The following TIAM2 variants were observed in gnomAD, a reference collection of about 807,000 sequenced individuals.
TIAM2 encodes the protein TIAM Rac1 associated GEF 2.
A neutral mutation model predicts 152.9 loss-of-function variants in TIAM2; 80 were observed. That is an observed-to-expected ratio of 0.52 (90% CI 0.44 to 0.63). The LOEUF is 0.63. Ranked by LOEUF, TIAM2 falls within the 30% of genes least tolerant of loss-of-function variation. TIAM2 has a pLI of 0.00. For synonymous variants in TIAM2, 804 were observed against 838.0 expected (o/e 0.96, Z 0.70); for missense variants, 1,965 against 2,120.1 (o/e 0.93, Z 1.44).
chr6:155,256,578 C>T lies in TIAM2; in HGVS notation c.4563C>T (p.Gly1521=), dbSNP rs1784045917. The change falls in exon 27 of 27, where the codon GGC becomes GGT. Residue 1521 remains glycine, a synonymous_variant. Transcript: ENST00000682666. ...GAACCTTGCTGGACTCTGACGAGGG[C>T]AGCTTGAGCAGCGGCACCCAGAGCA... The part of the protein sequence containing the change: ...GKGTLLDSDE[G]SLSSGTQSSG... 1.9e-6 allele frequency: 3 copies of T among 1,614,072 alleles called. No homozygotes were observed. Among genetic ancestry groups the T allele is most frequent in the African/African-American group, 1.3e-5 (1 of 74,928 alleles).
intron 1 of TIAM2, among the ~76,000 whole-genome samples, chr6:155,021,553 C>T (rs1479154637): frequency 5.3e-5 from 8 of 152,160 alleles, no homozygotes; most frequent in Middle Eastern, 3.4e-3. Flanking sequence ...CGAGCCACCG[C>T]GCCCAGCCAG....
At chr6:155,028,273 T>G (rs1583157688) in intron 1 of TIAM2, among the ~76,000 whole-genome samples, 3 of 131,344 alleles carry the variant, frequency 2.3e-5, no homozygotes, top group African/African-American at 8.3e-5. Flanking sequence ...CTACATATAA[T>G]ATATGTACTG....
chr6:155,125,043 G>A (rs1779260368), intron 2 of TIAM2, among the ~76,000 whole-genome samples: 1 of 151,918 alleles, frequency 6.6e-6, no homozygotes, highest in South Asian at 2.1e-4. Flanking sequence ...TTGGGAGGCC[G>A]AGGCAGGTGG....
At chr6:155,224,451 A>T (rs1782169808) in intron 15 of TIAM2, among the ~76,000 whole-genome samples, 1 of 152,178 alleles carries the variant, frequency 6.6e-6, no homozygotes, top group Non-Finnish European at 1.5e-5. Context: ...ACCATCTCAA[A>T]CACTAGCTTC....
chr6:155,116,146 T>A (rs77187373), intron 2 of TIAM2, among the ~76,000 whole-genome samples: 9,745 of 152,266 alleles, frequency 0.064, 542 homozygotes, highest in African/African-American at 0.15. Flanking sequence ...CCATCCGTGT[T>A]TCATCTACTT....
At chr6:155,107,662 A>C (rs1011751173) in intron 2 of TIAM2, among the ~76,000 whole-genome samples, 1 of 152,182 alleles carries the variant, frequency 6.6e-6, no homozygotes, top group Non-Finnish European at 1.5e-5. Flanking sequence ...TTTCTTTTCA[A>C]ACTTGTAATT....
intron 1 of TIAM2, chr6:155,016,468 G>A (rs115072625): frequency 0.01 from 1,172 of 114,034 alleles, 17 homozygotes; most frequent in African/African-American, 0.031. Flanking sequence ...TGGTAGTATG[G>A]GAATACTATA....
chr6:155,202,586 CTTTT>C (rs34052608), intron 14 of TIAM2, among the ~76,000 whole-genome samples: 1 of 133,980 alleles, frequency 7.5e-6, no homozygotes. Context: ...ACCTGGATAA[CTTTT>C]TTTTTTTTTT....
At chr6:155,029,430 AGTATATATTATAC>A (rs1776751181) in intron 1 of TIAM2, among the ~76,000 whole-genome samples, 5 of 10,516 alleles carry the variant, frequency 4.8e-4, no homozygotes, top group Admixed American at 3.7e-3. Flanking sequence ...TATATACTAT[AGTATATATTATAC>A]TATAGTATAT....
intron 2 of TIAM2, among the ~76,000 whole-genome samples, chr6:155,107,753 G>A (rs566915962): frequency 6.6e-6 from 1 of 152,252 alleles, no homozygotes; most frequent in East Asian, 1.9e-4. Flanking sequence ...AATCTTGGGA[G>A]GGGGGTACTT....
chr6:155,244,176 A>G, intron 17 of TIAM2, 97 bp downstream of exon 17: 3 of 1,192,742 alleles, frequency 2.5e-6, no homozygotes, highest in African/African-American at 1.5e-5. Context: ...GTTGATCCCA[A>G]AAGAACATCC....
chr6:155,027,525 CAT>C (rs35093603), intron 1 of TIAM2, among the ~76,000 whole-genome samples: 1 of 105,482 alleles, frequency 9.5e-6, no homozygotes, highest in Non-Finnish European at 1.8e-5. Flanking sequence ...TACTGTGTTA[CAT>C]ATACTATATA....
At chr6:155,114,104 A>T (rs1277259005) in intron 2 of TIAM2, among the ~76,000 whole-genome samples, 1 of 113,704 alleles carries the variant, frequency 8.8e-6, no homozygotes, top group Non-Finnish European at 1.7e-5. Context: ...CCCAGGCTGG[A>T]GTGCAGTGGT....
chr6:155,175,403 C>T (rs542640657), intron 9 of TIAM2, among the ~76,000 whole-genome samples: 1 of 152,058 alleles, frequency 6.6e-6, no homozygotes, highest in African/African-American at 2.4e-5. Context: ...GTAAAATCAC[C>T]CATTAATGAT....
At chr6:155,045,686 A>G (rs1057043226) in intron 1 of TIAM2, among the ~76,000 whole-genome samples, 3 of 152,076 alleles carry the variant, frequency 2.0e-5, no homozygotes, top group African/African-American at 7.2e-5. Context: ...AGTAGCAGGC[A>G]GGCCCTCCTT....
Position 155,211,296 on chromosome 6 carries a change from C to G in TIAM2, c.3157C>G (p.Gln1053Glu), listed in dbSNP as rs552342373. 1 of 1,613,068 alleles carries G rather than the reference C, an allele frequency of 6.2e-7. No homozygotes were observed. ...GGTTTCCCACAGGGAGAAAATGGAGCAGACATTCAGGGTAAGATACTGGCC... is the reference window on the plus strand; with the variant it reads ...GGTTTCCCACAGGGAGAAAATGGAGGAGACATTCAGGGTAAGATACTGGCC... ...DQVSHREKMEQTFRSAEQITA... is the reference protein window; with the variant it reads ...DQVSHREKMEETFRSAEQITA... Residue 1053 changes from glutamine (Q) to glutamate (E), a missense_variant, in exon 15 of 27, where the codon CAG becomes GAG. Gln to Glu is a conservative substitution (Grantham distance 29). Transcript: ENST00000682666.
intron 1 of TIAM2, among the ~76,000 whole-genome samples, chr6:155,083,497 G>A (rs1206946157): frequency 1.3e-5 from 2 of 152,168 alleles, no homozygotes; most frequent in Admixed American, 6.6e-5. Context: ...AATGTGCAAT[G>A]TGATTGTCTG....
At chr6:155,016,313 C>G (rs940795807) in intron 1 of TIAM2, 3 of 152,158 alleles carry the variant, frequency 2.0e-5, no homozygotes, top group African/African-American at 7.2e-5. Flanking sequence ...ACGTCCATGC[C>G]TTGGATTTCT....
intron 14 of TIAM2, among the ~76,000 whole-genome samples, chr6:155,204,669 T>G (rs1345126217): frequency 6.6e-6 from 1 of 152,210 alleles, no homozygotes; most frequent in African/African-American, 2.4e-5. Context: ...TACTATAATA[T>G]ATGCTTTGAA....
Sources: allele counts gnomAD v4.1 joint callset (sites outside exome capture counted in the v4.1 genomes callset), GRCh38; gene constraint gnomAD v4.1.1; transcripts MANE v1.5; gene names NCBI Gene and HGNC (gene_info 2026-07-23, HGNC 2026-07-21).